Variants in MACF1 observed in about 807,000 individuals in gnomAD.
MACF1 encodes the protein microtubule actin crosslinking factor 1.
In MACF1, 193 loss-of-function variants were observed where a neutral mutation model predicts 854.8. The ratio of observed to expected loss-of-function variants is 0.23; its 90% CI spans 0.20 to 0.25. MACF1 has a LOEUF of 0.25. MACF1 is among the 10% of genes least tolerant of loss of function. MACF1 has a pLI of 1.00. For synonymous variants in MACF1, 3,185 were observed against 3,226.7 expected (o/e 0.99, Z 0.44); for missense variants, 7,722 against 8,929.1 (o/e 0.86, Z 5.45).
At chr1:39,314,041 A>G (rs963808989) in intron 26 of MACF1, among the ~76,000 whole-genome samples, 4 of 152,210 alleles carry the variant, frequency 2.6e-5, no homozygotes, top group South Asian at 2.1e-4. Context: ...TTATTTAGAA[A>G]CTAAGATCTG....
intron 30 of MACF1, 123 bp from the exon 31 acceptor site, chr1:39,319,541 C>T (rs527765532): frequency 1.9e-5 from 12 of 645,772 alleles, no homozygotes; most frequent in Non-Finnish European, 2.9e-5. Flanking sequence ...GTGTTTTAAC[C>T]ACCCTTTCCA....
At chr1:39,272,099 T>G (rs1466796953) in intron 6 of MACF1, among the ~76,000 whole-genome samples, 2 of 152,054 alleles carry the variant, frequency 1.3e-5, no homozygotes, top group Non-Finnish European at 2.9e-5. Context: ...AGTGACCGAG[T>G]CTCAGCTCAG....
rs1292566638 is a variant in MACF1, at chr1:39,295,063, G to A, written c.2172G>A (p.Leu724=). ...RNYFSELTME[L]EEKQDVFRSL... is the part of the protein sequence containing the mutation. ...ATTTTCAGGAGTTGACAATGGAACT[G>A]GAGGAGAAACAGGATGTGTTTCGTT... The change falls in exon 19 of 101, where the codon CTG becomes CTA. Residue 724 remains leucine, a synonymous_variant. Coordinates refer to ENST00000564288, the MANE Select transcript of MACF1 (RefSeq NM_001394062.1). The A allele has an allele frequency of 1.9e-6, 3 of 1,613,796 alleles. No homozygotes were observed. The highest frequency in any genetic ancestry group is 2.2e-5 in the South Asian group (2 of 91,068).
At chr1:39,296,683 T>G (rs1021927320) in intron 20 of MACF1, among the ~76,000 whole-genome samples, 4 of 143,648 alleles carry the variant, frequency 2.8e-5, no homozygotes, top group Admixed American at 2.1e-4. Flanking sequence ...TGAGCCAAGA[T>G]CACACCACTG....
In MACF1 at chr1:39,293,493, C is replaced by A. The variant is rs1483938787; in HGVS notation, c.2028C>A (p.Ser676Arg). 11 of 1,613,666 alleles carry A rather than the reference C, an allele frequency of 6.8e-6. No homozygotes were observed. Among genetic ancestry groups the A allele is most frequent in the Non-Finnish European group, 8.5e-6 (10 of 1,179,760 alleles). The change falls in exon 18 of 101, where the codon AGC becomes AGA. Residue 676 changes from serine to arginine, a missense_variant. Ser to Arg is a moderately radical substitution (Grantham distance 110). Around this residue, in one of 15 missense-constraint regions of MACF1, gnomAD observed 1,137 missense variants for 1,263.0 expected, o/e 0.90. Coordinates refer to ENST00000564288, the MANE Select transcript of MACF1 (RefSeq NM_001394062.1). ...TSSFRMRHLQ[S>R]LHKFVSRATA... The stretch of plus-strand genomic sequence containing the variant: ...GCTTCCGGATGAGGCACCTTCAGAG[C>A]CTGCATAAATTTGTTTCCAGAGCTA...
chr1:39,399,353 G>A (rs543453856), intron 58 of MACF1, among the ~76,000 whole-genome samples: 3 of 144,008 alleles, frequency 2.1e-5, no homozygotes, highest in South Asian at 4.4e-4. Flanking sequence ...CATAGCTCAA[G>A]TCCACTTCTT....
intron 2 of MACF1, among the ~76,000 whole-genome samples, chr1:39,178,780 A>T (rs1280935974): frequency 6.6e-6 from 1 of 152,178 alleles, no homozygotes; most frequent in Non-Finnish European, 1.5e-5. Context: ...TATGGCATGA[A>T]TCAGGTGTCA....
intron 2 of MACF1, among the ~76,000 whole-genome samples, chr1:39,101,388 A>ATATATG (rs1553130076): frequency 1.2e-4 from 17 of 142,488 alleles, no homozygotes; most frequent in Admixed American, 2.1e-4. Context: ...ATATATATAT[A>ATATATG]TGTGTGTGTA....
chr1:39,349,747 C>G, intron 42 of MACF1, 120 bp downstream of exon 42: 1 of 1,049,578 alleles, frequency 9.5e-7, no homozygotes, highest in Non-Finnish European at 1.3e-6. Flanking sequence ...ATCCTCCCAC[C>G]TCAGCCTCCC....
At chr1:39,282,063 G>T in intron 6 of MACF1, 145 bp from the exon 7 acceptor site, 1 of 606,304 alleles carries the variant, frequency 1.6e-6, no homozygotes, top group Non-Finnish European at 2.8e-6. Context: ...ACTAGCAAGA[G>T]GGGGAATATA....
At position 39,333,498 on chromosome 1, in the gene MACF1, C is replaced by CA; in HGVS notation, c.6914dup (p.Leu2306AlafsTer5). 6.2e-7 allele frequency: 1 copy of CA among 1,614,086 alleles called. No individual in the cohort carries two copies. The highest frequency in any genetic ancestry group is 8.5e-7 in the Non-Finnish European group (1 of 1,180,004). ...TGGTATCTTTCATGAACAAACAGGTCAAAAGCTCTTACTAAATGAAGCAAT... is the reference window on the plus strand; with the variant it reads ...TGGTATCTTTCATGAACAAACAGGTCAAAAAGCTCTTACTAAATGAAGCAAT... On this transcript the variant is annotated frameshift_variant, in exon 37 of 101. Transcript: ENST00000564288. LOFTEE classifies it high-confidence loss of function.
chr1:39,128,652 T>TCA (rs1181304704), intron 2 of MACF1, among the ~76,000 whole-genome samples: 1 of 151,610 alleles, frequency 6.6e-6, no homozygotes. Context: ...TGAGCCGAGA[T>TCA]CACGCCACTG....
intron 2 of MACF1, among the ~76,000 whole-genome samples, chr1:39,243,693 G>A (rs1347280267): frequency 6.6e-6 from 1 of 152,126 alleles, no homozygotes; most frequent in Admixed American, 6.6e-5. Flanking sequence ...TTGAGCCACC[G>A]CACCTGGCCT....
chr1:39,374,486 A>G (rs1364112277), intron 52 of MACF1, among the ~76,000 whole-genome samples: 4 of 152,236 alleles, frequency 2.6e-5, no homozygotes, highest in Admixed American at 1.3e-4. Flanking sequence ...ATCAACCTCT[A>G]CGTTCAGTGA....
intron 89 of MACF1, chr1:39,458,100 C>T (rs549791980): frequency 5.6e-5 from 19 of 338,858 alleles, no homozygotes; most frequent in Non-Finnish European, 9.9e-5. Flanking sequence ...ATGGGGAGGG[C>T]ACCAAGGCCA....
At chr1:39,327,427 G>C in intron 36 of MACF1, 74 bp downstream of exon 36, 4 of 1,456,046 alleles carry the variant, frequency 2.7e-6, no homozygotes, top group Non-Finnish European at 3.7e-6. Flanking sequence ...TGCTGATTCA[G>C]AGTCATGATC....
At chr1:39,482,018 C>T (rs1360956404) in intron 99 of MACF1, among the ~76,000 whole-genome samples, 3 of 152,132 alleles carry the variant, frequency 2.0e-5, no homozygotes, top group Admixed American at 6.5e-5. Flanking sequence ...CTTAATGGCT[C>T]CAGTTTCATA....
rs772281979 is a variant in MACF1 at position 39,444,783 on chromosome 1, C to T, written c.19553C>T (p.Ala6518Val). The change falls in exon 80 of 101, where the codon GCA (alanine) becomes GTA (valine). Residue 6518 changes from alanine (A) to valine (V), a missense_variant. Around this residue, in one of 15 missense-constraint regions of MACF1, gnomAD observed 729 missense variants for 900.5 expected, o/e 0.81. Transcript: ENST00000564288. Reference protein sequence around the residue: ...GSGSKTEQSVALLEQKWHVVS... With the variant: ...GSGSKTEQSVVLLEQKWHVVS... ...GGCTCCAAGACAGAACAGAGTGTAG[C>T]ACTTTTGGAGCAGAAGTGGCATGTG... 5 of 1,613,792 alleles carry T rather than the reference C, an allele frequency of 3.1e-6. No homozygotes were observed. Among genetic ancestry groups the T allele is most frequent in the Non-Finnish European group, 4.2e-6 (5 of 1,179,736 alleles).
intron 94 of MACF1, chr1:39,464,688 C>T (rs1194408573): frequency 1.1e-5 from 2 of 185,230 alleles, no homozygotes; most frequent in African/African-American, 2.4e-5. Flanking sequence ...GGCGAGCGAG[C>T]GGATCACTTG....
Sources: gnomAD v4.1 joint callset for allele counts (sites outside exome capture counted in the v4.1 genomes callset) on GRCh38, gnomAD v4.1.1 for gene constraint, gnomAD v4.1.1 regional missense constraint, MANE v1.5 for transcripts, NCBI Gene and HGNC (gene_info 2026-07-23, HGNC 2026-07-21) for gene names.